The following NPAS3 variants were observed in gnomAD, a reference collection of about 807,000 sequenced individuals.
The protein encoded by NPAS3 is neuronal PAS domain-containing protein 3.
NPAS3 carries 14 observed loss-of-function variants against 73.1 expected under a neutral mutation model. The ratio of observed to expected loss-of-function variants is 0.19; its 90% CI spans 0.13 to 0.30. The LOEUF (loss-of-function observed/expected upper bound fraction) is 0.30, where lower values mean the gene tolerates loss of function less well. NPAS3 is among the 10% of genes least tolerant of loss of function. The pLI, the probability that NPAS3 is intolerant of heterozygous loss-of-function variation, is 1.00. For synonymous variants in NPAS3, 620 were observed against 541.5 expected, an observed-to-expected ratio of 1.14 and a Z score of -2.01; for missense variants, 1,096 against 1,250.0, an observed-to-expected ratio of 0.88 and a Z score of 1.86.
At chr14:33,079,942 G>A (rs991069799) in intron 2 of NPAS3, among the ~76,000 whole-genome samples, 4 of 151,602 alleles carry the variant, frequency 2.6e-5, no homozygotes, top group African/African-American at 9.7e-5. Context: ...AAATGTTCAG[G>A]CACTGAATTT....
At chr14:33,778,425 T>C (rs112091405) in intron 8 of NPAS3, 41 bp from the exon 9 acceptor site, 2 of 1,341,128 alleles carry the variant, frequency 1.5e-6, no homozygotes, top group Non-Finnish European at 2.1e-6. Flanking sequence ...TCTTTATATT[T>C]CCTCCTTTCT....
chr14:33,562,324 T>C (rs1051049055), intron 5 of NPAS3, among the ~76,000 whole-genome samples: 3 of 152,238 alleles, frequency 2.0e-5, no homozygotes, highest in African/African-American at 7.2e-5. Flanking sequence ...TCCTTGCTTT[T>C]ATATATAATG....
At chr14:33,142,978 A>T (rs1028973765) in intron 2 of NPAS3, among the ~76,000 whole-genome samples, 41 of 152,092 alleles carry the variant, frequency 2.7e-4, no homozygotes, top group African/African-American at 9.2e-4. Context: ...GGTGACAGGC[A>T]CCTGTAATCC....
At chr14:33,600,904 T>A (rs1427410775) in intron 5 of NPAS3, among the ~76,000 whole-genome samples, 1 of 152,204 alleles carries the variant, frequency 6.6e-6, no homozygotes, top group Non-Finnish European at 1.5e-5. Flanking sequence ...GGCAGTGGTT[T>A]GCTTTAAGTG....
intron 4 of NPAS3, among the ~76,000 whole-genome samples, chr14:33,492,763 C>T (rs1311493213): frequency 1.3e-5 from 2 of 152,180 alleles, no homozygotes; most frequent in African/African-American, 4.8e-5. Flanking sequence ...ACATCTATTA[C>T]TCACACACAT....
At chr14:33,646,418 A>G (rs544908803) in intron 5 of NPAS3, among the ~76,000 whole-genome samples, 34 of 152,258 alleles carry the variant, frequency 2.2e-4, no homozygotes, top group African/African-American at 6.5e-4. Context: ...CCATTATTTT[A>G]TCTAGTAAAT....
intron 1 of NPAS3, among the ~76,000 whole-genome samples, chr14:32,994,829 G>A (rs112681306): frequency 0.036 from 5,533 of 151,892 alleles, 357 homozygotes; most frequent in African/African-American, 0.13. Flanking sequence ...ATGGGATTTC[G>A]CCATGTTGGC....
chr14:33,293,641 G>A lies in NPAS3; in HGVS notation c.386-73545G>A, dbSNP rs138720083. ...TGTAAAGGGAAGACTTCTCATGAAC[G>A]GTAGACATGTTAACTTGAAAAGGGT... On this transcript the variant is annotated intron_variant, in intron 3 of 11. Transcript: ENST00000356141. 5.9e-3 allele frequency among the ~76,000 whole-genome samples: 905 copies of A among 152,200 alleles called. 12 individuals are homozygous for A. The highest frequency in any genetic ancestry group is 0.02 in the African/African-American group (829 of 41,532).
intron 2 of NPAS3, among the ~76,000 whole-genome samples, chr14:33,134,484 C>T (rs540722596): frequency 9.5e-4 from 144 of 152,174 alleles, no homozygotes; most frequent in African/African-American, 1.6e-3. Context: ...GGTTTTTTCA[C>T]GGATACTGAA....
intron 2 of NPAS3, among the ~76,000 whole-genome samples, chr14:33,110,278 G>T (rs1316992601): frequency 2.6e-5 from 4 of 152,038 alleles, no homozygotes; most frequent in African/African-American, 7.2e-5. Flanking sequence ...ATTTGACAGG[G>T]TTTTAAATTT....
chr14:33,735,358 A>G, intron 7 of NPAS3, 26 bp downstream of exon 7: 2 of 1,507,350 alleles, frequency 1.3e-6, no homozygotes, highest in Non-Finnish European at 1.8e-6. Context: ...GAGGGGAGAC[A>G]TTGCTGTCTC....
At chr14:33,764,698 G>T (rs1188207942) in intron 7 of NPAS3, among the ~76,000 whole-genome samples, 1 of 152,220 alleles carries the variant, frequency 6.6e-6, no homozygotes. Flanking sequence ...GGGGCCTCAG[G>T]GGGCTATGAA....
chr14:33,501,269 A>T (rs2052499215), intron 4 of NPAS3, among the ~76,000 whole-genome samples: 1 of 151,938 alleles, frequency 6.6e-6, no homozygotes, highest in African/African-American at 2.4e-5. Flanking sequence ...AAAGTCAATA[A>T]TAAAAGGAGC....
At chr14:33,404,836 A>G (rs1374218496) in intron 4 of NPAS3, among the ~76,000 whole-genome samples, 1 of 152,120 alleles carries the variant, frequency 6.6e-6, no homozygotes, top group African/African-American at 2.4e-5. Context: ...TCAGTTATAG[A>G]ACATATTCAG....
At chr14:33,638,700 T>C (rs956341316) in intron 5 of NPAS3, among the ~76,000 whole-genome samples, 27 of 152,328 alleles carry the variant, frequency 1.8e-4, no homozygotes, top group Middle Eastern at 3.4e-3. Context: ...AGTCCAGAAC[T>C]AGAAATGTCC....
chr14:33,741,754 C>T (rs994955152), intron 7 of NPAS3, among the ~76,000 whole-genome samples: 6 of 152,118 alleles, frequency 3.9e-5, no homozygotes, highest in Non-Finnish European at 7.4e-5. Context: ...CTAAGTATGT[C>T]AGTGACTGCA....
intron 6 of NPAS3, among the ~76,000 whole-genome samples, chr14:33,693,286 A>T (rs946786506): frequency 1.6e-4 from 24 of 152,190 alleles, no homozygotes; most frequent in Admixed American, 1.4e-3. Flanking sequence ...ATCAACTGTT[A>T]TGACCAATCC....
At position 33,514,477 on chromosome 14, in the gene NPAS3, C is replaced by T. The variant is rs150226161; in HGVS notation, c.469-45644C>T. On this transcript the variant is annotated intron_variant, in intron 4 of 11. Transcript: ENST00000356141. ...ACGATTGTGATGCCCAAATTGGTTGCGTTGCTTCCCTTGGTGAATATTCTT... is the reference window on the plus strand; with the variant it reads ...ACGATTGTGATGCCCAAATTGGTTGTGTTGCTTCCCTTGGTGAATATTCTT... 3.0e-3 allele frequency among the ~76,000 whole-genome samples: 452 copies of T among 152,076 alleles called. 2 individuals carry two copies. Among genetic ancestry groups the T allele is most frequent in the African/African-American group, 7.9e-3 (328 of 41,520 alleles).
intron 2 of NPAS3, among the ~76,000 whole-genome samples, chr14:33,198,960 T>C (rs1232887822): frequency 6.6e-6 from 1 of 152,180 alleles, no homozygotes; most frequent in Non-Finnish European, 1.5e-5. Context: ...CAGGGCCGTC[T>C]CTGCAGCTGC....
Sources: allele counts gnomAD v4.1 joint callset (sites outside exome capture counted in the v4.1 genomes callset), GRCh38; gene constraint gnomAD v4.1.1; transcripts MANE v1.5; gene names NCBI Gene and HGNC (gene_info 2026-07-23, HGNC 2026-07-21).